The following KCNH5 variants were observed in gnomAD, a reference collection of about 807,000 sequenced individuals.
The protein encoded by KCNH5 is potassium voltage-gated channel subfamily H member 5, also known as voltage-gated delayed rectifier potassium channel KCNH5.
KCNH5 carries 46 observed loss-of-function variants against 96.1 expected under a neutral mutation model. That is an observed-to-expected ratio of 0.48 (90% CI 0.38 to 0.61). The LOEUF is 0.61. Ranked by LOEUF, KCNH5 falls within the 20% of genes least tolerant of loss-of-function variation. KCNH5 has a pLI of 0.00. For missense variants in KCNH5, 907 were observed against 1,225.8 expected (o/e 0.74, Z 3.88); for synonymous variants, 439 against 449.8 (o/e 0.98, Z 0.30).
At chr14:62,931,420 C>T (rs1214545592) in intron 7 of KCNH5, among the ~76,000 whole-genome samples, 6 of 152,062 alleles carry the variant, frequency 3.9e-5, no homozygotes, top group East Asian at 3.9e-4. Flanking sequence ...AGAGGGTTGA[C>T]GACATGTATA....
intron 1 of KCNH5, among the ~76,000 whole-genome samples, chr14:63,026,883 T>C (rs1239461225): frequency 6.6e-6 from 1 of 152,066 alleles, no homozygotes; most frequent in East Asian, 1.9e-4. Flanking sequence ...AATCAGCATG[T>C]CAAAGAGCTA....
chr14:62,897,114 T>C (rs1888829424), intron 7 of KCNH5, among the ~76,000 whole-genome samples: 1 of 152,210 alleles, frequency 6.6e-6, no homozygotes, highest in African/African-American at 2.4e-5. Flanking sequence ...TGTGTTATGG[T>C]GGGAGTCCCC....
intron 7 of KCNH5, among the ~76,000 whole-genome samples, chr14:62,893,655 C>T (rs1476108200): frequency 1.3e-5 from 2 of 152,100 alleles, no homozygotes; most frequent in Non-Finnish European, 2.9e-5. Flanking sequence ...ACTTGGGAGG[C>T]TAAGGCAAGA....
At chr14:62,873,001 T>C (rs1458062831) in intron 7 of KCNH5, among the ~76,000 whole-genome samples, 1 of 151,966 alleles carries the variant, frequency 6.6e-6, no homozygotes, top group African/African-American at 2.4e-5. Flanking sequence ...ATAAAAAATA[T>C]TAGCCAGGTG....
intron 8 of KCNH5, among the ~76,000 whole-genome samples, chr14:62,848,745 A>G (rs1340726617): frequency 6.6e-6 from 1 of 152,042 alleles, no homozygotes; most frequent in African/African-American, 2.4e-5. Context: ...GAAAAACCGT[A>G]AGTCAACCTC....
chr14:62,779,978 T>G, intron 9 of KCNH5, 54 bp from the exon 10 acceptor site: 3 of 1,436,784 alleles, frequency 2.1e-6, no homozygotes, highest in Non-Finnish European at 2.8e-6. Context: ...TCTTATTTAA[T>G]CACTCTTGTT....
chr14:62,919,710 A>C (rs1889344357), intron 7 of KCNH5, among the ~76,000 whole-genome samples: 1 of 152,168 alleles, frequency 6.6e-6, no homozygotes, highest in Non-Finnish European at 1.5e-5. Flanking sequence ...TTCATTGTAA[A>C]ATGAAATCAT....
intron 7 of KCNH5, among the ~76,000 whole-genome samples, chr14:62,874,024 T>TAATTTATATTTA (rs1888317226): frequency 6.6e-6 from 1 of 152,164 alleles, no homozygotes; most frequent in Non-Finnish European, 1.5e-5. Context: ...ATGATAAAAA[T>TAATTTATATTTA]AATTTATATT....
intron 10 of KCNH5, among the ~76,000 whole-genome samples, chr14:62,734,318 C>T (rs574965917): frequency 1.4e-4 from 22 of 152,250 alleles, no homozygotes; most frequent in South Asian, 1.0e-3. Flanking sequence ...TCAAGGCACA[C>T]GGGATGCTCT....
chr14:62,901,337 C>T (rs181832654), intron 7 of KCNH5, among the ~76,000 whole-genome samples: 4 of 151,714 alleles, frequency 2.6e-5, no homozygotes, highest in African/African-American at 7.3e-5. Flanking sequence ...ACCCAGATAC[C>T]GAGGATAGTA....
intron 6 of KCNH5, among the ~76,000 whole-genome samples, chr14:62,951,251 C>T (rs536206122): frequency 1.3e-5 from 2 of 152,054 alleles, no homozygotes; most frequent in East Asian, 1.9e-4. Context: ...GAACAGCAGC[C>T]GGAAAATTCA....
At chr14:63,008,220 C>T (rs139079573) in intron 2 of KCNH5, among the ~76,000 whole-genome samples, 3 of 152,082 alleles carry the variant, frequency 2.0e-5, no homozygotes, top group African/African-American at 7.2e-5. Flanking sequence ...GAAGCTTATA[C>T]AATTTGTGAA....
intron 10 of KCNH5, among the ~76,000 whole-genome samples, chr14:62,750,590 G>A (rs902034731): frequency 1.3e-5 from 2 of 152,112 alleles, no homozygotes; most frequent in Non-Finnish European, 1.5e-5. Context: ...CCTCTGCAAT[G>A]GATTACAGCT....
At chr14:62,861,290 C>G (rs1888027664) in intron 7 of KCNH5, among the ~76,000 whole-genome samples, 1 of 148,342 alleles carries the variant, frequency 6.7e-6, no homozygotes, top group Non-Finnish European at 1.5e-5. Flanking sequence ...TTTTTTGAGA[C>G]AGAGTCTCTC....
At chr14:62,897,677 T>C (rs552209715) in intron 7 of KCNH5, among the ~76,000 whole-genome samples, 6 of 152,156 alleles carry the variant, frequency 3.9e-5, no homozygotes, top group Admixed American at 6.5e-5. Context: ...AACTGATAGA[T>C]GTCAATAAGT....
intron 7 of KCNH5, among the ~76,000 whole-genome samples, chr14:62,850,550 T>C (rs2140046338): frequency 6.6e-6 from 1 of 152,230 alleles, no homozygotes; most frequent in East Asian, 1.9e-4. Context: ...CACTGACAAT[T>C]GTCATTCATC....
At chr14:62,816,710 A>G (rs1034253205) in intron 8 of KCNH5, among the ~76,000 whole-genome samples, 18 of 152,080 alleles carry the variant, frequency 1.2e-4, no homozygotes, top group African/African-American at 4.1e-4. Context: ...AAGAAACAAC[A>G]TATGCACCAT....
chr14:62,836,933 C>T (rs190721726), intron 8 of KCNH5, among the ~76,000 whole-genome samples: 21 of 152,196 alleles, frequency 1.4e-4, no homozygotes, highest in African/African-American at 4.8e-4. Flanking sequence ...CAGAATCAAA[C>T]TTTGACTCTA....
chr14:62,842,808 A>T (rs2140038711), intron 8 of KCNH5, among the ~76,000 whole-genome samples: 1 of 152,324 alleles, frequency 6.6e-6, no homozygotes, highest in Non-Finnish European at 1.5e-5. Flanking sequence ...TCCTAATAAA[A>T]AGTTGTTGGA....
Sources: gnomAD v4.1 joint callset for allele counts (sites outside exome capture counted in the v4.1 genomes callset) on GRCh38, gnomAD v4.1.1 for gene constraint, MANE v1.5 for transcripts, NCBI Gene and HGNC (gene_info 2026-07-23, HGNC 2026-07-21) for gene names.